The following ZC3H7A variants were observed in gnomAD, a reference collection of about 807,000 sequenced individuals.
The protein encoded by ZC3H7A is zinc finger CCCH-type containing 7A.
A neutral mutation model predicts 125.5 loss-of-function variants in ZC3H7A; 44 were observed. The ratio of observed to expected loss-of-function variants is 0.35; its 90% CI spans 0.28 to 0.45. The LOEUF (loss-of-function observed/expected upper bound fraction) is 0.45. Ranked by LOEUF, ZC3H7A falls within the 20% of genes least tolerant of loss-of-function variation. The pLI is 1.00. For synonymous variants in ZC3H7A, 399 were observed against 391.2 expected, an observed-to-expected ratio of 1.02 and a Z score of -0.23; for missense variants, 977 against 1,170.7, an observed-to-expected ratio of 0.83 and a Z score of 2.41.
intron 1 of ZC3H7A, among the ~76,000 whole-genome samples, chr16:11,785,820 C>T (rs2053248562): frequency 6.6e-6 from 1 of 152,142 alleles, no homozygotes; most frequent in Non-Finnish European, 1.5e-5. Context: ...AGGGTTTCAC[C>T]GCGTTAGCCA....
chr16:11,760,419 G>T (rs1307610751), intron 19 of ZC3H7A, among the ~76,000 whole-genome samples: 2 of 152,118 alleles, frequency 1.3e-5, no homozygotes, highest in African/African-American at 4.8e-5. Flanking sequence ...TAAAATCTGA[G>T]TCTAAAACCA....
chr16:11,791,668 G>A (rs572670374), intron 1 of ZC3H7A, among the ~76,000 whole-genome samples: 57 of 152,322 alleles, frequency 3.7e-4, no homozygotes, highest in African/African-American at 1.3e-3. Context: ...AGAAGCAAGC[G>A]TGAAGAAGGA....
chr16:11,776,646 C>G lies in ZC3H7A; in HGVS notation c.465+105G>C. ...CACCTGCTTCATTAGCATTTATACC[C>G]AACTGAAGCAGGTTGATGGATGACT... On this transcript the variant is annotated intron_variant, in intron 5 of 22. Transcript: ENST00000355758. 2 of 1,499,272 alleles carry G rather than the reference C, an allele frequency of 1.3e-6. 1 individual carries two copies. Among genetic ancestry groups the G allele is most frequent in the South Asian group, 2.7e-5 (2 of 75,118 alleles). 92.9% of individuals were successfully genotyped at this position (1,499,272 alleles called of 1,614,324 possible). A position where few individuals can be genotyped will look rare whatever the true frequency, so the allele number is the denominator to read the frequency against.
chr16:11,761,011 G>C (rs1431477324), intron 19 of ZC3H7A, among the ~76,000 whole-genome samples: 1 of 152,084 alleles, frequency 6.6e-6, no homozygotes, highest in Admixed American at 6.6e-5. Context: ...AAGAGACAAG[G>C]CATGATAAAA....
In ZC3H7A at chr16:11,774,430, C is replaced by A; in HGVS notation, c.709G>T (p.Val237Phe). Residue 237 changes from valine to phenylalanine, a missense_variant, in exon 9 of 23, where the codon GTT becomes TTT. Coordinates refer to ENST00000355758, the MANE Select transcript of ZC3H7A (RefSeq NM_014153.4). Reference protein sequence around the residue: ...SHEVGSELASVPVMPLTSILP... With the variant: ...SHEVGSELASFPVMPLTSILP... Reference sequence around the variant, plus strand: ...ATAGAAGTTAAGGGCATAACAGGAACTGAGGCCAGCTCACTTCCAACTTCA... The same window carrying A: ...ATAGAAGTTAAGGGCATAACAGGAAATGAGGCCAGCTCACTTCCAACTTCA... 1 of 1,609,534 alleles carries A rather than the reference C, an allele frequency of 6.2e-7. No homozygotes were observed. The highest frequency in any genetic ancestry group is 8.5e-7 in the Non-Finnish European group (1 of 1,176,860).
Position 11,756,968 on chromosome 16 carries a change from G to C in ZC3H7A, c.2429-598C>G, listed in dbSNP as rs532819609. Among the ~76,000 whole-genome samples, 6 of 143,284 alleles carry C rather than the reference G, an allele frequency of 4.2e-5. No homozygotes were observed. The East Asian group carries it at 1.3e-3, about 31-fold the overall frequency. The allele number at this position is 143,284 out of a possible 152,430, so 94.0% of individuals were successfully genotyped here. ...GTTGCTTCCTATGGTAAGAACAGGTGTATTCTGCATTATTGCCAAGTGCTA... is the reference window on the plus strand; with the variant it reads ...GTTGCTTCCTATGGTAAGAACAGGTCTATTCTGCATTATTGCCAAGTGCTA... On this transcript the variant is annotated intron_variant, in intron 20 of 22. Transcript: ENST00000355758.
chr16:11,772,113 T>C (rs1442714982), intron 9 of ZC3H7A, among the ~76,000 whole-genome samples: 1 of 151,658 alleles, frequency 6.6e-6, no homozygotes, highest in Non-Finnish European at 1.5e-5. Context: ...GATAATTGCT[T>C]GAACCTGGGA....
At chr16:11,775,115 G>T in intron 7 of ZC3H7A, 102 bp from the exon 8 acceptor site, 1 of 1,282,656 alleles carries the variant, frequency 7.8e-7, no homozygotes. Flanking sequence ...GCTCACGCCT[G>T]TAATCCCAGC....
intron 10 of ZC3H7A, among the ~76,000 whole-genome samples, chr16:11,769,845 AG>A (rs2052947878): frequency 8.4e-6 from 1 of 119,004 alleles, no homozygotes; most frequent in Admixed American, 9.7e-5. Context: ...GCTGGAGTGC[AG>A]GGGTGTGATC....
chr16:11,760,255 A>C (rs936847230), intron 19 of ZC3H7A, among the ~76,000 whole-genome samples: 1 of 152,134 alleles, frequency 6.6e-6, no homozygotes, highest in Non-Finnish European at 1.5e-5. Context: ...AGAATAACCA[A>C]TACTCTAAGC....
rs2053370433 is a variant in ZC3H7A, at chr16:11,792,510, T to C, written c.-35+4614A>G. ...GACCTTACATGGTAACTTTAGAAAC[T>C]AGCTCACATTAACAGAAGACATCAA... On this transcript the variant is annotated intron_variant, in intron 1 of 22. Transcript: ENST00000355758. 2.6e-5 allele frequency among the ~76,000 whole-genome samples: 4 copies of C among 152,330 alleles called. No homozygotes were observed. In the South Asian group the frequency reaches 8.3e-4, roughly 32 times the overall value.
Position 11,765,624 on chromosome 16 carries a change from C to T in ZC3H7A, c.1584G>A (p.Glu528=), listed in dbSNP as rs116691142. 1.4e-3 allele frequency: 2,305 copies of T among 1,614,106 alleles called. 37 individuals carry two copies. In the African/African-American group the frequency reaches 0.027, roughly 19 times the overall value. Residue 528 remains glutamate, a synonymous_variant, in exon 14 of 23, where the codon GAG becomes GAA. Transcript: ENST00000355758. The surrounding 1 kb of genome is among the most constrained non-coding windows in gnomAD (Gnocchi z 4.8). ...SGHCTFAYCQ[E]EIDVWTLERK... is the part of the protein sequence containing the mutation. Reference sequence around the variant, plus strand: ...GCTCCAGTGTCCACACATCTATCTCCTCTTGGCAATAAGCAAACGTGCAGT... The same window carrying T: ...GCTCCAGTGTCCACACATCTATCTCTTCTTGGCAATAAGCAAACGTGCAGT...
chr16:11,763,797 A>AT (rs1231263433), intron 15 of ZC3H7A, 138 bp from the exon 16 acceptor site: 2 of 232,788 alleles, frequency 8.6e-6, no homozygotes, highest in Non-Finnish European at 1.3e-5. Flanking sequence ...TACATTTAAA[A>AT]TTTTTTTTTC....
At chr16:11,785,942 G>T (rs1029445839) in intron 1 of ZC3H7A, among the ~76,000 whole-genome samples, 1 of 151,984 alleles carries the variant, frequency 6.6e-6, no homozygotes, top group Non-Finnish European at 1.5e-5. Flanking sequence ...TTAAAGTGAC[G>T]GGTAGGTATA....
chr16:11,784,621 G>A (rs879725457), intron 1 of ZC3H7A, among the ~76,000 whole-genome samples: 11 of 152,058 alleles, frequency 7.2e-5, no homozygotes, highest in Non-Finnish European at 1.2e-4. Context: ...TTGAGAGGCC[G>A]AGGCGAGTGG....
At chr16:11,770,754 A>T (rs1308934917) in intron 10 of ZC3H7A, 29 bp downstream of exon 10, 1 of 1,577,594 alleles carries the variant, frequency 6.3e-7, no homozygotes, top group African/African-American at 1.4e-5. Context: ...ATCAACTGCA[A>T]TTGTTTACAA....
At chr16:11,754,657 T>C (rs1253921771) in intron 21 of ZC3H7A, among the ~76,000 whole-genome samples, 1 of 152,100 alleles carries the variant, frequency 6.6e-6, no homozygotes, top group African/African-American at 2.4e-5. Flanking sequence ...TTTGGGAGGC[T>C]GAGGCGGGCA....
chr16:11,763,275 T>C (rs2052784261), intron 16 of ZC3H7A: 1 of 399,432 alleles, frequency 2.5e-6, no homozygotes, highest in Non-Finnish European at 4.4e-6. Context: ...GCCCGATTAA[T>C]TTTTGTATTT....
At chr16:11,764,187 TGGATCACCTGAGGTCA>T (rs576126005) in intron 15 of ZC3H7A, among the ~76,000 whole-genome samples, 490 of 152,186 alleles carry the variant, frequency 3.2e-3, no homozygotes, top group Non-Finnish European at 5.3e-3. Context: ...CCAAGACGGG[TGGATCACCTGAGGTCA>T]AGAGTTCGAA....
Sources: gnomAD v4.1 joint callset for allele counts (sites outside exome capture counted in the v4.1 genomes callset) on GRCh38, gnomAD v4.1.1 for gene constraint, Gnocchi (gnomAD v3.1) non-coding constraint, MANE v1.5 for transcripts, NCBI Gene and HGNC (gene_info 2026-07-23, HGNC 2026-07-21) for gene names.